The following ST6GALNAC3 variants were observed in gnomAD, a reference collection of about 807,000 sequenced individuals.
ST6GALNAC3 encodes ST6 N-acetylgalactosaminide alpha-2,6-sialyltransferase 3.
ST6GALNAC3 carries 25 observed loss-of-function variants against 32.7 expected under a neutral mutation model. That is an observed-to-expected ratio of 0.76 (90% CI 0.56 to 1.07). ST6GALNAC3 has a LOEUF of 1.07. Among genes scored for constraint, ST6GALNAC3 ranks in the 50% least tolerant of loss-of-function variants. ST6GALNAC3 has a pLI of 0.00. For missense variants in ST6GALNAC3, 355 were observed against 382.4 expected (o/e 0.93, Z 0.60); for synonymous variants, 129 against 133.1 (o/e 0.97, Z 0.21).
intron 1 of ST6GALNAC3, among the ~76,000 whole-genome samples, chr1:76,240,553 C>G (rs1027930794): frequency 3.3e-5 from 5 of 152,150 alleles, no homozygotes; most frequent in African/African-American, 1.2e-4. Context: ...CATTTCCAGT[C>G]TTGGCCATTA....
At chr1:76,089,132 C>T (rs1348789166) in intron 1 of ST6GALNAC3, among the ~76,000 whole-genome samples, 1 of 152,120 alleles carries the variant, frequency 6.6e-6, no homozygotes, top group East Asian at 1.9e-4. Flanking sequence ...GGGTTCACAC[C>T]ATTCTCCTGC....
chr1:76,503,020 G>A (rs74089973), intron 3 of ST6GALNAC3, among the ~76,000 whole-genome samples: 7,728 of 152,198 alleles, frequency 0.051, 662 homozygotes, highest in African/African-American at 0.18. Flanking sequence ...CTCAGTGTAG[G>A]TAAGGTTGAA....
intron 3 of ST6GALNAC3, among the ~76,000 whole-genome samples, chr1:76,566,190 A>C (rs537527211): frequency 5.9e-5 from 9 of 152,334 alleles, no homozygotes; most frequent in African/African-American, 2.2e-4. Context: ...AAATAGTGAC[A>C]GTATGTCAGG....
At chr1:76,311,362 T>C (rs1646759749) in intron 1 of ST6GALNAC3, among the ~76,000 whole-genome samples, 1 of 151,800 alleles carries the variant, frequency 6.6e-6, no homozygotes, top group Non-Finnish European at 1.5e-5. Flanking sequence ...ACATGTGCCA[T>C]GGTGGTTTGC....
intron 1 of ST6GALNAC3, among the ~76,000 whole-genome samples, chr1:76,178,996 G>C (rs1171277429): frequency 6.6e-6 from 1 of 151,992 alleles, no homozygotes; most frequent in Non-Finnish European, 1.5e-5. Context: ...ATTGCTCTGA[G>C]TTCTTCTGTC....
chr1:76,444,312 A>C lies in ST6GALNAC3; in HGVS notation c.623+31895A>C, dbSNP rs973125880. On this transcript the variant is annotated intron_variant, in intron 3 of 4. Coordinates refer to ENST00000328299, the MANE Select transcript of ST6GALNAC3 (RefSeq NM_152996.4). ...AAAGACATTTTTTTCTGTACTCTAC[A>C]TGTGTTCTCAAATTCTCCCAGATGG... 2.4e-4 allele frequency among the ~76,000 whole-genome samples: 36 copies of C among 152,284 alleles called. No homozygotes were observed. In the Middle Eastern group the frequency reaches 0.01, roughly 43 times the overall value.
At chr1:76,267,895 G>A (rs954118061) in intron 1 of ST6GALNAC3, among the ~76,000 whole-genome samples, 10 of 152,160 alleles carry the variant, frequency 6.6e-5, no homozygotes, top group Non-Finnish European at 1.2e-4. Flanking sequence ...AAAAAAGACT[G>A]CAACTTTCTA....
In ST6GALNAC3 at chr1:76,389,011, C is replaced by CTTTT. The variant is rs138986165; in HGVS notation, c.214-22997_214-22996insTTTT. ...GGTGTGGTTGTTAGTTGGTATATTTCCTTTTTTTTTTTTTTTTGAGACAGA... is the reference window on the plus strand; with the variant it reads ...GGTGTGGTTGTTAGTTGGTATATTTCTTTTCTTTTTTTTTTTTTTTTGAGACAGA... On this transcript the variant is annotated intron_variant, in intron 2 of 4. Coordinates refer to ENST00000328299, the MANE Select transcript of ST6GALNAC3 (RefSeq NM_152996.4). Among the ~76,000 whole-genome samples the CTTTT allele has an allele frequency of 2.2e-4, 24 of 107,918 alleles. 2 individuals carry two copies. The highest frequency in any genetic ancestry group is 7.1e-4 in the East Asian group (2 of 2,826). 70.8% of individuals were successfully genotyped at this position (107,918 alleles called of 152,430 possible).
intron 1 of ST6GALNAC3, among the ~76,000 whole-genome samples, chr1:76,193,338 C>G (rs547842887): frequency 4.6e-5 from 7 of 152,244 alleles, no homozygotes; most frequent in African/African-American, 1.7e-4. Context: ...ATTTGTCACA[C>G]ACATGTTGTT....
At chr1:76,360,381 G>T (rs1649832624) in intron 2 of ST6GALNAC3, among the ~76,000 whole-genome samples, 1 of 152,118 alleles carries the variant, frequency 6.6e-6, no homozygotes, top group South Asian at 2.1e-4. Context: ...TCATATGATG[G>T]TAAGGTTTCT....
intron 3 of ST6GALNAC3, among the ~76,000 whole-genome samples, chr1:76,465,341 T>C (rs187134224): frequency 1.7e-4 from 26 of 152,228 alleles, no homozygotes; most frequent in East Asian, 1.4e-3. Flanking sequence ...CATTATTCCA[T>C]TGGAAACAAG....
intron 3 of ST6GALNAC3, among the ~76,000 whole-genome samples, chr1:76,599,229 GTT>G (rs35722541): frequency 2.6e-5 from 4 of 151,038 alleles, no homozygotes; most frequent in Admixed American, 6.6e-5. Flanking sequence ...AAGATTTTGT[GTT>G]TTTTTTTTAG....
chr1:76,105,962 G>GTA (rs1029545064), intron 1 of ST6GALNAC3, among the ~76,000 whole-genome samples: 1 of 152,174 alleles, frequency 6.6e-6, no homozygotes, highest in Non-Finnish European at 1.5e-5. Flanking sequence ...CATGGAAAGA[G>GTA]TATAAGCTTT....
chr1:76,145,629 C>T (rs1246766631), intron 1 of ST6GALNAC3, among the ~76,000 whole-genome samples: 3 of 152,220 alleles, frequency 2.0e-5, no homozygotes, highest in South Asian at 2.1e-4. Flanking sequence ...TGATTCAGGA[C>T]TGCATGGCTG....
chr1:76,462,312 G>T (rs1057231728), intron 3 of ST6GALNAC3, among the ~76,000 whole-genome samples: 2 of 151,846 alleles, frequency 1.3e-5, no homozygotes, highest in African/African-American at 4.8e-5. Context: ...TATAAAATGG[G>T]CCCAGCCATT....
intron 2 of ST6GALNAC3, among the ~76,000 whole-genome samples, chr1:76,360,958 A>C (rs17627406): frequency 0.029 from 4,457 of 152,306 alleles, 91 homozygotes; most frequent in Admixed American, 0.077. Flanking sequence ...CTAGAGGCTA[A>C]TTAAAGGAGT....
chr1:76,472,995 G>A (rs1358806003), intron 3 of ST6GALNAC3, among the ~76,000 whole-genome samples: 3 of 152,050 alleles, frequency 2.0e-5, no homozygotes, highest in Non-Finnish European at 2.9e-5. Flanking sequence ...TCAGAGAAGA[G>A]GTGAATAGAT....
At chr1:76,270,787 G>C (rs749384041) in intron 1 of ST6GALNAC3, among the ~76,000 whole-genome samples, 16 of 152,196 alleles carry the variant, frequency 1.1e-4, no homozygotes, top group Non-Finnish European at 1.8e-4. Context: ...ACCTCTGTGA[G>C]GGGTACGTGT....
At chr1:76,381,715 A>T (rs1651727238) in intron 2 of ST6GALNAC3, among the ~76,000 whole-genome samples, 1 of 152,232 alleles carries the variant, frequency 6.6e-6, no homozygotes, top group South Asian at 2.1e-4. Context: ...TAGAAGAGGC[A>T]TAGTAGCCTA....
Sources: allele counts gnomAD v4.1 joint callset (sites outside exome capture counted in the v4.1 genomes callset), GRCh38; gene constraint gnomAD v4.1.1; transcripts MANE v1.5; gene names NCBI Gene and HGNC (gene_info 2026-07-23, HGNC 2026-07-21).